Variants in MYO1E observed in about 807,000 individuals in gnomAD.
MYO1E encodes unconventional myosin-Ie.
In MYO1E, 68 loss-of-function variants were observed where a neutral mutation model predicts 151.1. The ratio of observed to expected loss-of-function variants is 0.45; its 90% CI spans 0.37 to 0.55. The LOEUF is 0.55. MYO1E is among the 20% of genes least tolerant of loss of function. The probability of loss-of-function intolerance (pLI) is 0.00; values close to 1 mark genes in which losing one functional copy is unlikely to be tolerated. For synonymous variants in MYO1E, 601 were observed against 501.7 expected (o/e 1.20, Z -2.64); for missense variants, 1,363 against 1,389.3 (o/e 0.98, Z 0.30).
intron 4 of MYO1E, among the ~76,000 whole-genome samples, chr15:59,237,233 T>C (rs2080072322): frequency 6.6e-6 from 1 of 152,178 alleles, no homozygotes; most frequent in Non-Finnish European, 1.5e-5. Context: ...ATTTTTGTAA[T>C]TTAAAAAAAG....
At chr15:59,153,093 T>A (rs2140306644) in intron 26 of MYO1E, among the ~76,000 whole-genome samples, 1 of 152,236 alleles carries the variant, frequency 6.6e-6, no homozygotes, top group East Asian at 1.9e-4. Context: ...TGGGTTCTCT[T>A]CACCACTCTT....
Position 59,272,361 on chromosome 15 carries a change from G to T in MYO1E, c.92C>A (p.Thr31Lys). 6.2e-7 allele frequency: 1 copy of T among 1,614,096 alleles called. No individual in the cohort carries two copies. Among genetic ancestry groups the T allele is most frequent in the Non-Finnish European group, 8.5e-7 (1 of 1,179,920 alleles). The change falls in exon 2 of 28, where the codon ACA (threonine) becomes AAA (lysine). Residue 31 changes from threonine (T) to lysine (K), a missense_variant. By Grantham distance (78) the Thr-to-Lys change is moderately conservative (BLOSUM62 -1). Transcript: ENST00000288235. ...VDDMVLLSKI[T>K]ENSIVENLKK... is the part of the protein sequence containing the mutation. ...CAGATTCTCCACGATGGAGTTCTCTGTGATCTTGGACAGTAGCACCATGTC... is the reference window on the plus strand; with the variant it reads ...CAGATTCTCCACGATGGAGTTCTCTTTGATCTTGGACAGTAGCACCATGTC...
intron 15 of MYO1E, among the ~76,000 whole-genome samples, chr15:59,203,621 A>G (rs1227995697): frequency 6.6e-6 from 1 of 151,982 alleles, no homozygotes; most frequent in African/African-American, 2.4e-5. Context: ...TGATCCACCC[A>G]CCTTGGCCTC....
In MYO1E at chr15:59,171,899, G is replaced by T; in HGVS notation, c.2478C>A (p.Leu826=). Residue 826 remains leucine, a splice_region_variant and synonymous_variant, in exon 22 of 28, where the codon CTC becomes CTA. Coordinates refer to ENST00000288235, the MANE Select transcript of MYO1E (RefSeq NM_004998.4). ...GCCTCTGCACCTCCACTACTCACCT[G>T]AGGGACACAGACAAGATCCGTTCTA... is the stretch of plus-strand genomic sequence containing the variant. The part of the protein sequence containing the change: ...IEIERILSVS[L]STMQDDIFIL... 1 of 1,614,220 alleles carries T rather than the reference G, an allele frequency of 6.2e-7. No homozygotes were observed. The highest frequency in any genetic ancestry group is 8.5e-7 in the Non-Finnish European group (1 of 1,180,038).
chr15:59,293,780 C>T (rs575064041), intron 1 of MYO1E, among the ~76,000 whole-genome samples: 9 of 152,130 alleles, frequency 5.9e-5, no homozygotes, highest in Non-Finnish European at 1.0e-4. Flanking sequence ...TGGTGGCTCA[C>T]GCCTGTAATC....
intron 1 of MYO1E, among the ~76,000 whole-genome samples, chr15:59,357,448 C>T (rs1338278852): frequency 7.5e-6 from 1 of 133,688 alleles, no homozygotes; most frequent in Non-Finnish European, 1.6e-5. Context: ...TTTTTTGAGA[C>T]GAGTCTCACT....
At chr15:59,218,903 A>G (rs1395759464) in intron 9 of MYO1E, among the ~76,000 whole-genome samples, 3 of 152,200 alleles carry the variant, frequency 2.0e-5, no homozygotes, top group African/African-American at 4.8e-5. Flanking sequence ...CAGTGTGTGG[A>G]CTAGCACTGG....
At chr15:59,193,852 A>G (rs1465731108) in intron 17 of MYO1E, among the ~76,000 whole-genome samples, 1 of 152,172 alleles carries the variant, frequency 6.6e-6, no homozygotes, top group African/African-American at 2.4e-5. Flanking sequence ...GACTACATTA[A>G]ATTGAAAAAT....
chr15:59,334,975 C>T (rs1200648638), intron 1 of MYO1E, among the ~76,000 whole-genome samples: 1 of 152,168 alleles, frequency 6.6e-6, no homozygotes, highest in Non-Finnish European at 1.5e-5. Flanking sequence ...TTGCAAAAAA[C>T]ACATCCACCA....
At chr15:59,208,168 A>T in intron 14 of MYO1E, 1 of 1,285,962 alleles carries the variant, frequency 7.8e-7, no homozygotes, top group Non-Finnish European at 1.1e-6. Context: ...ATAAACTTGA[A>T]TTCCTAAAAG....
At chr15:59,274,828 A>T (rs2080308695) in intron 1 of MYO1E, among the ~76,000 whole-genome samples, 1 of 152,132 alleles carries the variant, frequency 6.6e-6, no homozygotes, top group African/African-American at 2.4e-5. Flanking sequence ...CTAGCAGAAA[A>T]GCACTCACGG....
intron 1 of MYO1E, among the ~76,000 whole-genome samples, chr15:59,316,682 G>A (rs1436989210): frequency 1.3e-5 from 2 of 151,960 alleles, no homozygotes; most frequent in Non-Finnish European, 2.9e-5. Flanking sequence ...AATTTATCTT[G>A]TCATGTACGG....
intron 1 of MYO1E, among the ~76,000 whole-genome samples, chr15:59,296,573 C>T (rs189749345): frequency 2.3e-4 from 35 of 152,266 alleles, no homozygotes; most frequent in Admixed American, 2.0e-3. Flanking sequence ...ACAGTCGGGA[C>T]GTGCTGGTAG....
chr15:59,340,914 C>A (rs1425427709), intron 1 of MYO1E, among the ~76,000 whole-genome samples: 1 of 148,590 alleles, frequency 6.7e-6, no homozygotes, highest in African/African-American at 2.5e-5. Context: ...CCCAGCTACT[C>A]GGGAGGCTGA....
intron 1 of MYO1E, among the ~76,000 whole-genome samples, chr15:59,356,494 C>G (rs540704512): frequency 6.6e-6 from 1 of 152,310 alleles, no homozygotes; most frequent in East Asian, 1.9e-4. Flanking sequence ...AGTTCTGCAT[C>G]CTACTTTTGT....
At chr15:59,331,005 A>G (rs28406857) in intron 1 of MYO1E, among the ~76,000 whole-genome samples, 3,153 of 152,226 alleles carry the variant, frequency 0.021, 98 homozygotes, top group African/African-American at 0.07. Context: ...CCTGGGCTCA[A>G]GCAATCCTCC....
At chr15:59,146,550 A>G (rs2079442751) in intron 26 of MYO1E, among the ~76,000 whole-genome samples, 1 of 152,066 alleles carries the variant, frequency 6.6e-6, no homozygotes, top group Non-Finnish European at 1.5e-5. Context: ...CCTGATCTCA[A>G]GTGATCCTCC....
intron 1 of MYO1E, among the ~76,000 whole-genome samples, chr15:59,367,513 T>G (rs1430789354): frequency 2.0e-5 from 3 of 152,166 alleles, no homozygotes; most frequent in Admixed American, 6.5e-5. Context: ...ACACAGGTGT[T>G]GAGATAGCGC....
In MYO1E at chr15:59,319,550, C is replaced by CTTTTTTTTTT. The variant is rs59491381; in HGVS notation, c.4-47111_4-47102dup. ...AAGATAGGAAAAGAAGTCAAACTAC[C>CTTTTTTTTTT]TTTTTTTTTTTTTTTTTTTTTTTTT... is the stretch of plus-strand genomic sequence containing the variant. On this transcript the variant is annotated intron_variant, in intron 1 of 27. Coordinates refer to ENST00000288235, the MANE Select transcript of MYO1E (RefSeq NM_004998.4). 3.5e-3 allele frequency among the ~76,000 whole-genome samples: 226 copies of CTTTTTTTTTT among 63,678 alleles called. 22 individuals are homozygous for CTTTTTTTTTT. Among genetic ancestry groups the CTTTTTTTTTT allele is most frequent in the African/African-American group, 5.6e-3 (126 of 22,382 alleles). The allele number at this position is 63,678 out of a possible 152,430, so 41.8% of individuals were successfully genotyped here.
Sources: gnomAD v4.1 joint callset for allele counts (sites outside exome capture counted in the v4.1 genomes callset) on GRCh38, gnomAD v4.1.1 for gene constraint, MANE v1.5 for transcripts, NCBI Gene and HGNC (gene_info 2026-07-23, HGNC 2026-07-21) for gene names.